ATR: variants seen among roughly 807,000 people sequenced by gnomAD.
The protein encoded by ATR is ATR checkpoint kinase.
A neutral mutation model predicts 305.3 loss-of-function variants in ATR; 142 were observed. The ratio of observed to expected loss-of-function variants is 0.47; its 90% CI spans 0.41 to 0.53. The LOEUF (loss-of-function observed/expected upper bound fraction) is 0.53, where lower values mean the gene tolerates loss of function less well. Among genes scored for constraint, ATR ranks in the 20% least tolerant of loss-of-function variants. The probability of loss-of-function intolerance (pLI) is 0.00; values close to 1 mark genes in which losing one functional copy is unlikely to be tolerated. For missense variants in ATR, 2,135 were observed against 3,133.1 expected, an observed-to-expected ratio of 0.68 and a Z score of 7.60; for synonymous variants, 1,050 against 1,068.1, an observed-to-expected ratio of 0.98 and a Z score of 0.33.
intron 34 of ATR, among the ~76,000 whole-genome samples, chr3:142,496,038 A>G (rs2108331063): frequency 6.6e-6 from 1 of 151,702 alleles, no homozygotes; most frequent in East Asian, 2.0e-4. Flanking sequence ...GTATACATAC[A>G]TAAGGTGAAA....
In ATR at chr3:142,553,654, T is replaced by C. The variant is rs775632871; in HGVS notation, c.2619A>G (p.Thr873=). The change falls in exon 12 of 47, where the codon ACA becomes ACG. Residue 873 remains threonine (T), a synonymous_variant. Transcript: ENST00000350721. ...NELKDTLILT[T]GDIGRAAKGD... is the part of the protein sequence containing the mutation. ...GCCAAGTATACCTTCCAATATCCCC[T>C]GTTGTAAGAATCAAGGTATCCTTCA... The C allele has an allele frequency of 6.2e-7, 1 of 1,608,184 alleles. No individual in the cohort carries two copies. Among genetic ancestry groups the C allele is most frequent in the Non-Finnish European group, 8.5e-7 (1 of 1,174,904 alleles).
intron 20 of ATR, 61 bp downstream of exon 20, chr3:142,536,047 T>A: frequency 8.5e-7 from 1 of 1,172,818 alleles, no homozygotes; most frequent in Non-Finnish European, 1.3e-6. Flanking sequence ...TTTCATGTAT[T>A]GGAACTTGGG....
intron 40 of ATR, 184 bp from the exon 41 acceptor site, chr3:142,465,424 A>G: frequency 2.5e-6 from 1 of 394,936 alleles, no homozygotes; most frequent in Non-Finnish European, 4.4e-6. Context: ...ATGACTGTCT[A>G]TGAACAGAAA....
At position 142,517,350 on chromosome 3, in the gene ATR, TAAA is replaced by T. The variant is rs56080837; in HGVS notation, c.4383-1838_4383-1836del. On this transcript the variant is annotated intron_variant, in intron 24 of 46. Coordinates refer to ENST00000350721, the MANE Select transcript of ATR (RefSeq NM_001184.4). ...GTGATTATATATAAAGAGCCCAAATTAAAAAAAAAAAAAACATAAAGTAGGGAG... is the reference window on the plus strand; with the variant it reads ...GTGATTATATATAAAGAGCCCAAATTAAAAAAAAAAACATAAAGTAGGGAG... Among the ~76,000 whole-genome samples, 1,310 of 143,498 alleles carry T rather than the reference TAAA, an allele frequency of 9.1e-3. 19 individuals carry two copies. Among genetic ancestry groups the T allele is most frequent in the African/African-American group, 0.031 (1,239 of 39,572 alleles). 94.1% of individuals were successfully genotyped at this position (143,498 alleles called of 152,430 possible). A position where few individuals can be genotyped will look rare whatever the true frequency, so the allele number is the denominator to read the frequency against.
intron 46 of ATR, chr3:142,451,600 C>T: frequency 1.5e-6 from 2 of 1,297,414 alleles, no homozygotes; most frequent in Non-Finnish European, 2.0e-6. Flanking sequence ...GAGTATGATG[C>T]CAAGGGTCTC....
At chr3:142,531,452 G>C (rs1024165538) in intron 21 of ATR, among the ~76,000 whole-genome samples, 8 of 151,656 alleles carry the variant, frequency 5.3e-5, no homozygotes, top group African/African-American at 1.9e-4. Context: ...TCCCCTTCCT[G>C]TGTCCATGTG....
At chr3:142,490,527 C>G (rs1346105187) in intron 35 of ATR, among the ~76,000 whole-genome samples, 5 of 152,214 alleles carry the variant, frequency 3.3e-5, no homozygotes, top group Non-Finnish European at 7.3e-5. Flanking sequence ...TCTAATTTAT[C>G]AGGATTTTTT....
Position 142,504,711 on chromosome 3 carries a change from G to A in ATR, c.5196+428C>T, listed in dbSNP as rs1341530924. ...ACTCCTGACCTCGGGGAATCCACCC[G>A]TCTTGGTCTCCCAAAGTGCTGGGAT... is the stretch of plus-strand genomic sequence containing the variant. On this transcript the variant is annotated intron_variant, in intron 29 of 46. Coordinates refer to ENST00000350721, the MANE Select transcript of ATR (RefSeq NM_001184.4). 5.3e-5 allele frequency among the ~76,000 whole-genome samples: 8 copies of A among 152,224 alleles called. No homozygotes were observed. The South Asian group carries it at 6.2e-4, about 12-fold the overall frequency.
intron 23 of ATR, among the ~76,000 whole-genome samples, chr3:142,520,689 T>A (rs1377290653): frequency 6.6e-6 from 1 of 151,764 alleles, no homozygotes; most frequent in Non-Finnish European, 1.5e-5. Flanking sequence ...AAGTTTGAAG[T>A]GATACAACTC....
At chr3:142,497,908 T>G (rs953921188) in intron 32 of ATR, among the ~76,000 whole-genome samples, 5 of 152,172 alleles carry the variant, frequency 3.3e-5, no homozygotes, top group Non-Finnish European at 7.4e-5. Flanking sequence ...TTTTTCCCCC[T>G]TGTATGATAG....
At chr3:142,517,103 T>C (rs1348878292) in intron 24 of ATR, among the ~76,000 whole-genome samples, 2 of 151,268 alleles carry the variant, frequency 1.3e-5, no homozygotes, top group East Asian at 3.9e-4. Flanking sequence ...TTCAAATCCC[T>C]ATTTTGAATC....
chr3:142,457,320 T>TG (rs1425294087), intron 45 of ATR, among the ~76,000 whole-genome samples: 1 of 151,974 alleles, frequency 6.6e-6, no homozygotes, highest in Non-Finnish European at 1.5e-5. Flanking sequence ...GGATCAGGAG[T>TG]GACTGCTAAT....
chr3:142,457,946 C>T (rs2070942170), intron 44 of ATR, 191 bp from the exon 45 acceptor site: 8 of 645,816 alleles, frequency 1.2e-5, no homozygotes, highest in Admixed American at 1.2e-4. Flanking sequence ...AGAACTGAAA[C>T]CATACTTGAT....
Position 142,451,460 on chromosome 3 carries a change from T to C in ATR, c.7761+1668A>G, listed in dbSNP as rs907076375. On this transcript the variant is annotated intron_variant, in intron 46 of 46. Transcript: ENST00000350721. ...ATCAGCAAGTAAAAATAGGAGACTTTGGTCTGGCTTGCCCAGACATCTTAC... is the reference window on the plus strand; with the variant it reads ...ATCAGCAAGTAAAAATAGGAGACTTCGGTCTGGCTTGCCCAGACATCTTAC... 6 of 1,495,198 alleles carry C rather than the reference T, an allele frequency of 4.0e-6. No individual in the cohort carries two copies. The African/African-American group carries it at 7.0e-5, about 17-fold the overall frequency. 92.6% of individuals were successfully genotyped at this position (1,495,198 alleles called of 1,614,324 possible).
intron 36 of ATR, among the ~76,000 whole-genome samples, chr3:142,474,852 TG>T (rs2071395203): frequency 6.6e-6 from 1 of 152,148 alleles, no homozygotes. Context: ...ATGTTATCTT[TG>T]GGGTTATCAT....
intron 21 of ATR, among the ~76,000 whole-genome samples, chr3:142,533,359 A>G (rs1287676340): frequency 6.6e-6 from 1 of 152,198 alleles, no homozygotes; most frequent in Non-Finnish European, 1.5e-5. Flanking sequence ...ATAATGTTTG[A>G]GCATATATTT....
At chr3:142,481,284 C>T (rs564724326) in intron 36 of ATR, among the ~76,000 whole-genome samples, 5 of 152,320 alleles carry the variant, frequency 3.3e-5, no homozygotes, top group African/African-American at 1.2e-4. Flanking sequence ...CAAGTGCTTT[C>T]TCTGCATCTA....
chr3:142,462,240 G>A lies in ATR; in HGVS notation c.7042-150C>T, dbSNP rs1323122498. On this transcript the variant is annotated intron_variant, in intron 41 of 46. Coordinates refer to ENST00000350721, the MANE Select transcript of ATR (RefSeq NM_001184.4). Reference sequence around the variant, plus strand: ...GTATACATGAATAATTCTTCTGAATGGTAGGAAGGAAGCTACTGGGACAGT... The same window carrying A: ...GTATACATGAATAATTCTTCTGAATAGTAGGAAGGAAGCTACTGGGACAGT... 5 of 763,450 alleles carry A rather than the reference G, an allele frequency of 6.5e-6. No homozygotes were observed. In the African/African-American group the frequency reaches 8.8e-5, roughly 13 times the overall value. 47.3% of individuals were successfully genotyped at this position (763,450 alleles called of 1,614,324 possible). A position where few individuals can be genotyped will look rare whatever the true frequency, so the allele number is the denominator to read the frequency against.
At chr3:142,551,107 C>G (rs1047954574) in intron 13 of ATR, among the ~76,000 whole-genome samples, 1 of 152,066 alleles carries the variant, frequency 6.6e-6, no homozygotes, top group African/African-American at 2.4e-5. Context: ...TTTTTTAAAG[C>G]AAGCACAATG....
Sources: allele counts gnomAD v4.1 joint callset (sites outside exome capture counted in the v4.1 genomes callset), GRCh38; gene constraint gnomAD v4.1.1; transcripts MANE v1.5; gene names NCBI Gene and HGNC (gene_info 2026-07-23, HGNC 2026-07-21).